The following CNIH3 variants were observed in gnomAD, a reference collection of about 807,000 sequenced individuals.
CNIH3 encodes protein cornichon homolog 3.
CNIH3 carries 14 observed loss-of-function variants against 24.1 expected under a neutral mutation model. That is an observed-to-expected ratio of 0.58 (90% CI 0.38 to 0.91). The LOEUF (loss-of-function observed/expected upper bound fraction) is 0.91. Among genes scored for constraint, CNIH3 ranks in the 40% least tolerant of loss-of-function variants. CNIH3 has a pLI of 0.00. For missense variants in CNIH3, 178 were observed against 196.8 expected (o/e 0.90, Z 0.57); for synonymous variants, 68 against 73.8 (o/e 0.92, Z 0.40).
At chr1:224,492,988 G>A (rs1379045241) in intron 1 of CNIH3, among the ~76,000 whole-genome samples, 2 of 152,202 alleles carry the variant, frequency 1.3e-5, no homozygotes, top group African/African-American at 4.8e-5. Context: ...ATATCAGAAT[G>A]GAGGACAGTG....
chr1:224,520,954 G>T (rs1283059233), intron 1 of CNIH3: 6 of 152,226 alleles, frequency 3.9e-5, no homozygotes. Context: ...TGTCGTCAGG[G>T]CACTAACTTG....
intron 1 of CNIH3, among the ~76,000 whole-genome samples, chr1:224,651,575 A>C (rs1335424160): frequency 1.3e-5 from 2 of 152,140 alleles, no homozygotes; most frequent in Non-Finnish European, 2.9e-5. Context: ...ATAAACACTA[A>C]TGCTTTTTAG....
At chr1:224,720,252 CTT>C (rs10625559) in intron 3 of CNIH3, among the ~76,000 whole-genome samples, 4 of 142,084 alleles carry the variant, frequency 2.8e-5, no homozygotes, top group Admixed American at 7.0e-5. Context: ...GGATAGTCAT[CTT>C]TTTTTTTTTT....
intron 1 of CNIH3, among the ~76,000 whole-genome samples, chr1:224,653,349 G>T (rs1684950139): frequency 6.6e-6 from 1 of 151,714 alleles, no homozygotes; most frequent in African/African-American, 2.4e-5. Flanking sequence ...TTGAACCCAG[G>T]AGGCAGAGGT....
downstream of CNIH3, among the ~76,000 whole-genome samples, chr1:224,591,082 G>A (rs1287139967): frequency 6.6e-6 from 1 of 150,870 alleles, no homozygotes; most frequent in Non-Finnish European, 1.5e-5. Flanking sequence ...ACCTTTCTAA[G>A]TATATTTCCA....
chr1:224,582,269 A>G (rs769952922), intron 4 of CNIH3, among the ~76,000 whole-genome samples: 6 of 152,174 alleles, frequency 3.9e-5, no homozygotes, highest in Non-Finnish European at 7.3e-5. Flanking sequence ...GTAGCCACAG[A>G]TGGCCAGTTC....
intron 3 of CNIH3, among the ~76,000 whole-genome samples, chr1:224,705,973 C>T (rs1687784397): frequency 1.3e-5 from 2 of 150,788 alleles, no homozygotes. Flanking sequence ...CTTCTGGGGG[C>T]TCCCCTAGCA....
rs1465065324 is a variant in CNIH3 at position 224,738,174 on chromosome 1, G to C, written c.456-1155G>C. On this transcript the variant is annotated intron_variant, in intron 5 of 5. Coordinates refer to ENST00000272133, the MANE Select transcript of CNIH3 (RefSeq NM_152495.2). ...CCTCGTGGTTTGTTGTTACAGCTTAGCTGTATGCTTCCTCAAGGCAGGAAT... is the reference window on the plus strand; with the variant it reads ...CCTCGTGGTTTGTTGTTACAGCTTACCTGTATGCTTCCTCAAGGCAGGAAT... Among the ~76,000 whole-genome samples, 5 of 152,206 alleles carry C rather than the reference G, an allele frequency of 3.3e-5. No individual in the cohort carries two copies. The East Asian group carries it at 9.6e-4, about 29-fold the overall frequency.
chr1:224,721,713 A>G (rs1688732411), intron 3 of CNIH3, among the ~76,000 whole-genome samples: 1 of 152,166 alleles, frequency 6.6e-6, no homozygotes, highest in South Asian at 2.1e-4. Flanking sequence ...CTGTCCCCTT[A>G]CAGATCTATA....
At chr1:224,513,961 C>G (rs1368786285), upstream of CNIH3, 1 of 152,222 alleles carries the variant, frequency 6.6e-6, no homozygotes, top group African/African-American at 2.4e-5. Context: ...CTGAGGCTCA[C>G]GTTCCTTCCC....
At chr1:224,576,791 A>G (rs980008244) in intron 4 of CNIH3, among the ~76,000 whole-genome samples, 2 of 152,212 alleles carry the variant, frequency 1.3e-5, no homozygotes. Flanking sequence ...ACAAATCTAG[A>G]GACATCACAC....
At chr1:224,487,307 A>G (rs1183642432) in intron 1 of CNIH3, among the ~76,000 whole-genome samples, 1 of 152,188 alleles carries the variant, frequency 6.6e-6, no homozygotes, top group Non-Finnish European at 1.5e-5. Context: ...TCAGAATCGT[A>G]GACTATTAGT....
intron 5 of CNIH3, among the ~76,000 whole-genome samples, chr1:224,735,158 GC>G (rs1049906252): frequency 3.3e-5 from 5 of 152,170 alleles, no homozygotes; most frequent in African/African-American, 1.2e-4. Flanking sequence ...CCCCACCCCA[GC>G]CCCACAGTGG....
intron 3 of CNIH3, among the ~76,000 whole-genome samples, chr1:224,550,513 G>A (rs1006269112): frequency 5.3e-5 from 8 of 152,044 alleles, no homozygotes; most frequent in Non-Finnish European, 1.0e-4. Flanking sequence ...ATATGAGAGC[G>A]ATGTTATTTC....
At chr1:224,620,284 A>G (rs1683217960) in intron 1 of CNIH3, among the ~76,000 whole-genome samples, 1 of 152,254 alleles carries the variant, frequency 6.6e-6, no homozygotes, top group Admixed American at 6.5e-5. Flanking sequence ...AGATGAGGAA[A>G]CTGGATCAGA....
At chr1:224,439,183 C>A (rs896884858) in intron 1 of CNIH3, among the ~76,000 whole-genome samples, 6 of 152,146 alleles carry the variant, frequency 3.9e-5, no homozygotes, top group Non-Finnish European at 7.4e-5. Context: ...GCTTATTTTC[C>A]CCTTCTGCAA....
rs575899918 is a variant in CNIH3 at position 224,721,818 on chromosome 1, G to A, written c.199-8644G>A. ...GGCCTGTGGAAGGTGGAAAGAATCC[G>A]GCCAGAACTGGAGGGGGGATTCTGG... is the stretch of plus-strand genomic sequence containing the variant. On this transcript the variant is annotated intron_variant, in intron 3 of 5. Transcript: ENST00000272133. Among the ~76,000 whole-genome samples the A allele has an allele frequency of 4.8e-4, 73 of 152,272 alleles. 1 individual carries two copies. The highest frequency in any genetic ancestry group is 1.0e-3 in the South Asian group (5 of 4,820).
intron 3 of CNIH3, among the ~76,000 whole-genome samples, chr1:224,562,920 G>A (rs914201116): frequency 1.3e-5 from 2 of 152,182 alleles, no homozygotes; most frequent in African/African-American, 4.8e-5. Context: ...GCTGAAAAGA[G>A]TGAGGAGCAA....
intron 1 of CNIH3, among the ~76,000 whole-genome samples, chr1:224,624,751 C>G (rs1013117911): frequency 2.0e-5 from 3 of 152,178 alleles, no homozygotes; most frequent in Non-Finnish European, 4.4e-5. Flanking sequence ...CAGACTAAAG[C>G]TTTTTCTGGT....
Sources: gnomAD v4.1 joint callset for allele counts (sites outside exome capture counted in the v4.1 genomes callset) on GRCh38, gnomAD v4.1.1 for gene constraint, MANE v1.5 for transcripts, NCBI Gene and HGNC (gene_info 2026-07-23, HGNC 2026-07-21) for gene names.